Variants in ERCC8 observed in about 807,000 individuals in gnomAD.
The protein encoded by ERCC8 is ERCC excision repair 8, CSA ubiquitin ligase complex subunit.
ERCC8 carries 52 observed loss-of-function variants against 54.9 expected under a neutral mutation model. The ratio of observed to expected loss-of-function variants is 0.95; its 90% confidence interval spans 0.76 to 1.19. ERCC8 has a LOEUF of 1.19. Ranked by LOEUF, ERCC8 falls within the 50% of genes most tolerant of loss-of-function variation. ERCC8 has a pLI of 0.00. For synonymous variants in ERCC8, 146 were observed against 157.2 expected, an observed-to-expected ratio of 0.93 and a Z score of 0.53; for missense variants, 514 against 466.1, an observed-to-expected ratio of 1.10 and a Z score of -0.95.
At chr5:60,878,746 G>C (rs1168341726) in intron 11 of ERCC8, among the ~76,000 whole-genome samples, 2 of 152,012 alleles carry the variant, frequency 1.3e-5, no homozygotes, top group East Asian at 3.9e-4. Context: ...GCGTCTATTT[G>C]ATTCTGCTCT....
At chr5:60,920,059 T>C (rs1347797623) in intron 3 of ERCC8, among the ~76,000 whole-genome samples, 3 of 151,982 alleles carry the variant, frequency 2.0e-5, no homozygotes, top group African/African-American at 7.2e-5. Flanking sequence ...TCTCTTTTCC[T>C]AGGAGAGTTA....
chr5:60,886,066 G>A (rs111549620), intron 11 of ERCC8, among the ~76,000 whole-genome samples: 1 of 151,104 alleles, frequency 6.6e-6, no homozygotes, highest in East Asian at 1.9e-4. Context: ...ATATATATAT[G>A]TATATATATA....
At position 60,872,948 on chromosome 5, in the gene ERCC8, G is replaced by A. The variant is rs2112449898; in HGVS notation, c.*1667C>T. Among the ~76,000 whole-genome samples the A allele has an allele frequency of 6.6e-6, 1 of 152,282 alleles. No homozygotes were observed. Among genetic ancestry groups the A allele is most frequent in the South Asian group, 2.1e-4 (1 of 4,824 alleles). ...CAATGGTTGAATGGATAAAGAAAATGTAGTACATATACACAAACAGCTGAT... is the reference window on the plus strand; with the variant it reads ...CAATGGTTGAATGGATAAAGAAAATATAGTACATATACACAAACAGCTGAT... On this transcript the variant is annotated 3_prime_UTR_variant, in exon 12 of 12. Coordinates refer to ENST00000676185, the MANE Select transcript of ERCC8 (RefSeq NM_000082.4).
intron 9 of ERCC8, chr5:60,892,367 G>T (rs866376376): frequency 5.5e-6 from 3 of 548,954 alleles, no homozygotes; most frequent in Non-Finnish European, 7.3e-6. Flanking sequence ...GCATTCCATG[G>T]TGTCTTCATT....
At chr5:60,879,562 G>A (rs1748136250) in intron 11 of ERCC8, among the ~76,000 whole-genome samples, 1 of 152,196 alleles carries the variant, frequency 6.6e-6, no homozygotes, top group South Asian at 2.1e-4. Flanking sequence ...CCTGTATTGG[G>A]TGCATATATA....
intron 11 of ERCC8, among the ~76,000 whole-genome samples, chr5:60,885,636 A>AT (rs1748371689): frequency 6.6e-6 from 1 of 152,176 alleles, no homozygotes; most frequent in Non-Finnish European, 1.5e-5. Context: ...AATAAACCAA[A>AT]TTAGACGTGA....
At chr5:60,926,026 C>T (rs994260837) in intron 2 of ERCC8, among the ~76,000 whole-genome samples, 3 of 151,820 alleles carry the variant, frequency 2.0e-5, no homozygotes, top group Admixed American at 1.3e-4. Context: ...GGTTTCACCA[C>T]GTTGGCCAGG....
chr5:60,913,058 T>C (rs1749318314), intron 4 of ERCC8, among the ~76,000 whole-genome samples: 1 of 152,070 alleles, frequency 6.6e-6, no homozygotes, highest in African/African-American at 2.4e-5. Context: ...TTTCTCTTTT[T>C]TTGTTGTGTC....
chr5:60,925,893 G>A (rs570363114), intron 2 of ERCC8, among the ~76,000 whole-genome samples: 3 of 152,042 alleles, frequency 2.0e-5, no homozygotes, highest in African/African-American at 2.4e-5. Context: ...GCATGATCTC[G>A]GCTCACTGCA....
Position 60,868,265 on chromosome 5 carries a change from T to C in ERCC8, c.*6350A>G, listed in dbSNP as rs374510486. Among the ~76,000 whole-genome samples, 1 of 152,240 alleles carries C rather than the reference T, an allele frequency of 6.6e-6. No individual in the cohort carries two copies. Among genetic ancestry groups the C allele is most frequent in the East Asian group, 1.9e-4 (1 of 5,206 alleles). On this transcript the variant is annotated 3_prime_UTR_variant, in exon 12 of 12. Coordinates refer to ENST00000676185, the MANE Select transcript of ERCC8 (RefSeq NM_000082.4). ...GAACTTAGTCTTAACATTGACTTAATTGTGTTTTTAGAGACAGAATAACTA... is the reference window on the plus strand; with the variant it reads ...GAACTTAGTCTTAACATTGACTTAACTGTGTTTTTAGAGACAGAATAACTA...
intron 4 of ERCC8, among the ~76,000 whole-genome samples, chr5:60,916,628 T>A (rs1055963983): frequency 6.6e-6 from 1 of 152,006 alleles, no homozygotes; most frequent in African/African-American, 2.4e-5. Flanking sequence ...ATAAATATAC[T>A]TTATTATAAA....
intron 9 of ERCC8, among the ~76,000 whole-genome samples, chr5:60,897,468 C>T (rs908222762): frequency 4.6e-5 from 7 of 152,176 alleles, no homozygotes; most frequent in African/African-American, 1.7e-4. Context: ...ATTATTAGCA[C>T]AGTATCTGAC....
intron 4 of ERCC8, among the ~76,000 whole-genome samples, chr5:60,909,107 G>C (rs1749168560): frequency 6.6e-6 from 1 of 151,848 alleles, no homozygotes; most frequent in Non-Finnish European, 1.5e-5. Context: ...CTTTAAAAAA[G>C]TCAAGATAAT....
rs1383568161 is a variant in ERCC8, at chr5:60,872,274, G to A, written c.*2341C>T. On this transcript the variant is annotated 3_prime_UTR_variant, in exon 12 of 12. Transcript: ENST00000676185. ...GATTTTTTTGGATACGATCTCAAAA[G>A]CACAGTAACAAAAGCACAAGTACAG... 6.6e-6 allele frequency among the ~76,000 whole-genome samples: 1 copy of A among 152,012 alleles called. No homozygotes were observed. The highest frequency in any genetic ancestry group is 1.5e-5 in the Non-Finnish European group (1 of 67,990).
chr5:60,891,442 T>C lies in ERCC8; in HGVS notation c.844-356A>G, dbSNP rs188348629. ...TGTTGGTGGCAGTGTAATTTGGCTA[T>C]TCTTTCTAAAAGGGCAAATGGTTTA... On this transcript the variant is annotated intron_variant, in intron 9 of 11. Transcript: ENST00000676185. 3.3e-3 allele frequency among the ~76,000 whole-genome samples: 499 copies of C among 152,276 alleles called. 2 individuals carry two copies. Among genetic ancestry groups the C allele is most frequent in the African/African-American group, 0.012 (482 of 41,578 alleles).
intron 11 of ERCC8, among the ~76,000 whole-genome samples, chr5:60,878,595 C>G (rs534689957): frequency 2.6e-4 from 40 of 152,244 alleles, no homozygotes; most frequent in African/African-American, 8.2e-4. Flanking sequence ...CTCGTTTAGT[C>G]TTGGGAGGGT....
chr5:60,882,042 C>T (rs751159291), intron 11 of ERCC8, among the ~76,000 whole-genome samples: 3 of 152,064 alleles, frequency 2.0e-5, no homozygotes, highest in Non-Finnish European at 2.9e-5. Flanking sequence ...GGGGTTTCAC[C>T]GTGTTAGCCA....
At chr5:60,914,060 A>T (rs1326933104) in intron 4 of ERCC8, among the ~76,000 whole-genome samples, 1 of 152,090 alleles carries the variant, frequency 6.6e-6, no homozygotes, top group Non-Finnish European at 1.5e-5. Flanking sequence ...GGAAGAATGT[A>T]TATTCTGTTG....
At chr5:60,922,651 T>C (rs1232270630) in intron 2 of ERCC8, among the ~76,000 whole-genome samples, 1 of 152,064 alleles carries the variant, frequency 6.6e-6, no homozygotes. Flanking sequence ...ATTCTTTTTA[T>C]AGTACCTGGC....
Sources: allele counts gnomAD v4.1 joint callset (sites outside exome capture counted in the v4.1 genomes callset), GRCh38; gene constraint gnomAD v4.1.1; transcripts MANE v1.5; gene names NCBI Gene and HGNC (gene_info 2026-07-23, HGNC 2026-07-21).